PTPRT: variants seen among roughly 807,000 people sequenced by gnomAD.
The protein encoded by PTPRT is receptor-type tyrosine-protein phosphatase T.
Under a neutral mutation model 176.8 loss-of-function variants are expected in PTPRT, and 56 were observed. That is an observed-to-expected ratio of 0.32 (90% CI 0.26 to 0.40). The LOEUF (loss-of-function observed/expected upper bound fraction) is 0.40, where lower values mean the gene tolerates loss of function less well. Ranked by LOEUF, PTPRT falls within the 10% of genes least tolerant of loss-of-function variation. The pLI, the probability that PTPRT is intolerant of heterozygous loss-of-function variation, is 1.00. For synonymous variants in PTPRT, 783 were observed against 739.0 expected (o/e 1.06, Z -0.96); for missense variants, 1,540 against 1,908.2 (o/e 0.81, Z 3.60).
intron 9 of PTPRT, among the ~76,000 whole-genome samples, chr20:42,409,520 T>TAAAAAAAA (rs2058993773): frequency 8.1e-6 from 1 of 123,148 alleles, no homozygotes; most frequent in Non-Finnish European, 1.7e-5. Flanking sequence ...AAAAAAAAAG[T>TAAAAAAAA]ATTATTTATA....
intron 6 of PTPRT, among the ~76,000 whole-genome samples, chr20:42,689,511 G>A (rs1338764295): frequency 1.3e-5 from 2 of 152,108 alleles, no homozygotes; most frequent in East Asian, 3.9e-4. Context: ...CTGAAGGAGT[G>A]AGCCACACCC....
At chr20:43,126,910 T>C (rs1444882730) in intron 1 of PTPRT, among the ~76,000 whole-genome samples, 1 of 152,160 alleles carries the variant, frequency 6.6e-6, no homozygotes, top group Non-Finnish European at 1.5e-5. Flanking sequence ...TTGAAGGACA[T>C]CTGCCCAGAA....
intron 1 of PTPRT, among the ~76,000 whole-genome samples, chr20:42,914,951 G>A (rs560274505): frequency 6.6e-6 from 1 of 151,610 alleles, no homozygotes; most frequent in African/African-American, 2.4e-5. Context: ...CATGACGCTA[G>A]GGTACCCTTT....
At position 42,831,904 on chromosome 20, in the gene PTPRT, A is replaced by G. The variant is rs373524138; in HGVS notation, c.215-40438T>C. Among the ~76,000 whole-genome samples, 18 of 152,356 alleles carry G rather than the reference A, an allele frequency of 1.2e-4. 1 individual carries two copies. The East Asian group carries it at 2.7e-3, about 23-fold the overall frequency. ...AGATGCTGGCAAGGTTGCAGAGAAAAGGGAATGCTTGCACACCGTCGGTGA... is the reference window on the plus strand; with the variant it reads ...AGATGCTGGCAAGGTTGCAGAGAAAGGGGAATGCTTGCACACCGTCGGTGA... On this transcript the variant is annotated intron_variant, in intron 2 of 30. Coordinates refer to ENST00000373187, the MANE Select transcript of PTPRT (RefSeq NM_007050.6).
intron 1 of PTPRT, among the ~76,000 whole-genome samples, chr20:43,117,916 C>G (rs1481166850): frequency 6.6e-6 from 1 of 152,170 alleles, no homozygotes; most frequent in Non-Finnish European, 1.5e-5. Flanking sequence ...CCTTTTGTAA[C>G]TAGATAGCAT....
intron 7 of PTPRT, among the ~76,000 whole-genome samples, chr20:42,473,833 G>GA (rs1260242097): frequency 6.6e-6 from 1 of 152,054 alleles, no homozygotes; most frequent in Non-Finnish European, 1.5e-5. Context: ...GATACACCCA[G>GA]AAATTCTTGT....
chr20:42,806,429 AG>A (rs1223420374), intron 2 of PTPRT, among the ~76,000 whole-genome samples: 9 of 149,094 alleles, frequency 6.0e-5, no homozygotes, highest in Non-Finnish European at 1.3e-4. Flanking sequence ...GGTTGCAGTG[AG>A]CCAAGATTGA....
Position 42,121,438 on chromosome 20 carries a change from T to C in PTPRT, c.2848-1467A>G, listed in dbSNP as rs75980437. On this transcript the variant is annotated intron_variant, in intron 19 of 30. Transcript: ENST00000373187. ...TTTTTTGTCACAGAGCTCAGCACAA[T>C]GTGAGACTCAGAGCAAATACCCAAT... is the stretch of plus-strand genomic sequence containing the variant. Among the ~76,000 whole-genome samples the C allele has an allele frequency of 7.0e-3, 1,073 of 152,260 alleles. 8 individuals carry two copies. Among genetic ancestry groups the C allele is most frequent in the Non-Finnish European group, 0.012 (794 of 68,018 alleles).
intron 7 of PTPRT, among the ~76,000 whole-genome samples, chr20:42,649,175 A>G (rs2074981865): frequency 6.6e-6 from 1 of 152,030 alleles, no homozygotes; most frequent in South Asian, 2.1e-4. Flanking sequence ...CCTCACAATT[A>G]TGTCAGAAGG....
chr20:42,634,842 A>T (rs62203847), intron 7 of PTPRT, among the ~76,000 whole-genome samples: 5 of 152,136 alleles, frequency 3.3e-5, no homozygotes, highest in African/African-American at 9.7e-5. Context: ...ACAAATCATT[A>T]TAACTTGACT....
chr20:43,002,881 TAAAA>T (rs1195212700), intron 1 of PTPRT, among the ~76,000 whole-genome samples: 2 of 150,224 alleles, frequency 1.3e-5, no homozygotes, highest in African/African-American at 4.9e-5. Flanking sequence ...AACAATTCAT[TAAAA>T]AAACAGAAAA....
intron 7 of PTPRT, among the ~76,000 whole-genome samples, chr20:42,585,484 T>C (rs2145738341): frequency 6.6e-6 from 1 of 152,332 alleles, no homozygotes; most frequent in Non-Finnish European, 1.5e-5. Context: ...GCATTTTATG[T>C]AGTTACATCT....
intron 22 of PTPRT, 31 bp from the exon 23 acceptor site, chr20:42,110,518 G>A: frequency 6.4e-7 from 1 of 1,561,808 alleles, no homozygotes; most frequent in East Asian, 2.3e-5. Context: ...TGTTCTTCCA[G>A]CTGCTGCCCT....
chr20:42,423,564 T>C (rs1421116521), intron 9 of PTPRT, among the ~76,000 whole-genome samples: 1 of 152,180 alleles, frequency 6.6e-6, no homozygotes, highest in Non-Finnish European at 1.5e-5. Context: ...GTTGATGCAA[T>C]GCACCACTCT....
chr20:43,105,728 CA>C (rs2012578302), intron 1 of PTPRT, among the ~76,000 whole-genome samples: 1 of 152,196 alleles, frequency 6.6e-6, no homozygotes, highest in Non-Finnish European at 1.5e-5. Flanking sequence ...GGACTCATCA[CA>C]TAAAATTCTT....
At chr20:42,052,381 C>T in the PTPRT span, among the ~76,000 whole-genome samples, 1 of 152,180 alleles carries the variant, frequency 6.6e-6, no homozygotes, top group Non-Finnish European at 1.5e-5. Flanking sequence ...GTCTCTTTCC[C>T]TCTCAGACAC....
rs759631931 is a variant in PTPRT at position 42,080,872 on chromosome 20, C to T, written c.*7G>A. On this transcript the variant is annotated 3_prime_UTR_variant, in exon 31 of 31. Coordinates refer to ENST00000373187, the MANE Select transcript of PTPRT (RefSeq NM_007050.6). The stretch of plus-strand genomic sequence containing the variant: ...CTGGACTCCGGCAGGTTCCCCATCC[C>T]ATTGAGCTAAAAGGAGCTTAAATAT... The T allele has an allele frequency of 6.2e-7, 1 of 1,607,900 alleles. No homozygotes were observed. Among genetic ancestry groups the T allele is most frequent in the Admixed American group, 1.7e-5 (1 of 59,976 alleles).
chr20:43,100,014 A>C (rs1266259538), intron 1 of PTPRT, among the ~76,000 whole-genome samples: 1 of 152,222 alleles, frequency 6.6e-6, no homozygotes, highest in African/African-American at 2.4e-5. Context: ...CTTGGAAGGA[A>C]GCACAATGTG....
intron 19 of PTPRT, among the ~76,000 whole-genome samples, chr20:42,123,989 T>C (rs1018636368): frequency 6.6e-6 from 1 of 152,210 alleles, no homozygotes; most frequent in Non-Finnish European, 1.5e-5. Context: ...CAAGTCAGCC[T>C]GGGCCATTGG....
Sources: gnomAD v4.1 joint callset for allele counts (sites outside exome capture counted in the v4.1 genomes callset) on GRCh38, gnomAD v4.1.1 for gene constraint, MANE v1.5 for transcripts, NCBI Gene and HGNC (gene_info 2026-07-23, HGNC 2026-07-21) for gene names.